Variants in ZZZ3 observed in about 807,000 individuals in gnomAD.
The protein encoded by ZZZ3 is ZZ-type zinc finger-containing protein 3.
In ZZZ3, 22 loss-of-function variants were observed where a neutral mutation model predicts 95.2. The ratio of observed to expected loss-of-function variants is 0.23; its 90% CI spans 0.17 to 0.33. ZZZ3 has a LOEUF of 0.33. Ranked by LOEUF, ZZZ3 falls within the 10% of genes least tolerant of loss-of-function variation. The pLI is 1.00. For synonymous variants in ZZZ3, 335 were observed against 358.9 expected, an observed-to-expected ratio of 0.93 and a Z score of 0.75; for missense variants, 885 against 1,066.5, an observed-to-expected ratio of 0.83 and a Z score of 2.37.
chr1:77,609,570 A>G (rs1252269946), intron 5 of ZZZ3, among the ~76,000 whole-genome samples: 1 of 152,166 alleles, frequency 6.6e-6, no homozygotes, highest in Non-Finnish European at 1.5e-5. Context: ...CATTTCATCC[A>G]ATGTCTGCAG....
At chr1:77,622,159 T>C (rs61777116) in intron 5 of ZZZ3, among the ~76,000 whole-genome samples, 4 of 141,316 alleles carry the variant, frequency 2.8e-5, no homozygotes, top group Non-Finnish European at 4.6e-5. Flanking sequence ...AAAAAAAAAT[T>C]AGCCAGGTGT....
intron 1 of ZZZ3, among the ~76,000 whole-genome samples, chr1:77,680,823 A>C (rs899911500): frequency 1.3e-5 from 2 of 152,218 alleles, no homozygotes; most frequent in Non-Finnish European, 2.9e-5. Context: ...TACATAACAC[A>C]CATTAAAGAT....
chr1:77,568,217 T>A, intron 13 of ZZZ3, 115 bp downstream of exon 13: 1 of 793,628 alleles, frequency 1.3e-6, no homozygotes. Flanking sequence ...AGGCAGAGGT[T>A]GCAGTAAGCT....
At chr1:77,569,078 T>G (rs1483190334) in intron 12 of ZZZ3, among the ~76,000 whole-genome samples, 2 of 152,268 alleles carry the variant, frequency 1.3e-5, no homozygotes, top group African/African-American at 2.4e-5. Flanking sequence ...GGCTTATACC[T>G]GTAATCCCAG....
intron 3 of ZZZ3, chr1:77,640,928 C>G (rs1427335994): frequency 6.6e-6 from 1 of 152,116 alleles, no homozygotes; most frequent in Non-Finnish European, 1.5e-5. Context: ...CCCAAACATG[C>G]CCTGGAAATG....
At chr1:77,591,646 T>G (rs1212072593) in intron 5 of ZZZ3, among the ~76,000 whole-genome samples, 1 of 152,200 alleles carries the variant, frequency 6.6e-6, no homozygotes, top group Non-Finnish European at 1.5e-5. Context: ...CCACTCACTT[T>G]CAATAAAACT....
chr1:77,583,688 A>G (rs535385592), intron 6 of ZZZ3, among the ~76,000 whole-genome samples: 3 of 152,212 alleles, frequency 2.0e-5, no homozygotes, highest in Non-Finnish European at 4.4e-5. Context: ...GGTAACTCAT[A>G]AAGATACTAA....
chr1:77,607,827 G>C (rs1665399410), intron 5 of ZZZ3, among the ~76,000 whole-genome samples: 4 of 151,744 alleles, frequency 2.6e-5, no homozygotes, highest in Admixed American at 2.6e-4. Flanking sequence ...GGCTGACGCA[G>C]GAGAATTGCT....
intron 1 of ZZZ3, among the ~76,000 whole-genome samples, chr1:77,650,718 A>G (rs278837): frequency 0.42 from 63,272 of 151,388 alleles, 15,434 homozygotes; most frequent in African/African-American, 0.67. Flanking sequence ...AAAAATAACA[A>G]TGAGCAGAAA....
At chr1:77,653,098 G>T (rs1005823938) in intron 1 of ZZZ3, among the ~76,000 whole-genome samples, 1 of 152,070 alleles carries the variant, frequency 6.6e-6, no homozygotes, top group Non-Finnish European at 1.5e-5. Flanking sequence ...GAGGCAAGAG[G>T]ACTGCTTGAG....
At position 77,562,861 on chromosome 1, in the gene ZZZ3, TAGTA is replaced by T. The variant is rs1490833152; in HGVS notation, c.*2775_*2778del. 2.6e-5 allele frequency: 4 copies of T among 152,510 alleles called. No homozygotes were observed. Among genetic ancestry groups the T allele is most frequent in the African/African-American group, 9.7e-5 (4 of 41,426 alleles). 9.4% of individuals were successfully genotyped at this position (152,510 alleles called of 1,614,324 possible). A position where few individuals can be genotyped will look rare whatever the true frequency, so the allele number is the denominator to read the frequency against. On this transcript the variant is annotated 3_prime_UTR_variant, in exon 15 of 15. Coordinates refer to ENST00000370801, the MANE Select transcript of ZZZ3 (RefSeq NM_015534.6). ...GGAAATTCCTGCTCAGGAAACAGGA[TAGTA>T]AGGCAGACGCTGACTCTGAAGTAAT...
At position 77,670,072 on chromosome 1, in the gene ZZZ3, ACCC is replaced by A. The variant is rs5775412; in HGVS notation, c.-403+12510_-403+12512del. On this transcript the variant is annotated intron_variant, in intron 1 of 14. Coordinates refer to ENST00000370801, the MANE Select transcript of ZZZ3 (RefSeq NM_015534.6). ...ACCTATTAATATAATAAATATTGTG[ACCC>A]CCCCCCCCCATATTACTCCCTTGAA... Among the ~76,000 whole-genome samples the A allele has an allele frequency of 9.0e-3, 1,027 of 113,908 alleles. 16 individuals are homozygous for A. Among genetic ancestry groups the A allele is most frequent in the African/African-American group, 0.029 (961 of 33,412 alleles). The allele number at this position is 113,908 out of a possible 152,430, so 74.7% of individuals were successfully genotyped here.
chr1:77,638,882 C>T (rs1285902136), intron 4 of ZZZ3, among the ~76,000 whole-genome samples: 1 of 152,126 alleles, frequency 6.6e-6, no homozygotes, highest in Non-Finnish European at 1.5e-5. Context: ...GTGCAATTAC[C>T]ACCATATCTA....
At chr1:77,582,662 A>G (rs1662637449) in intron 6 of ZZZ3, among the ~76,000 whole-genome samples, 1 of 116,270 alleles carries the variant, frequency 8.6e-6, no homozygotes, top group South Asian at 2.8e-4. Flanking sequence ...TTTCATGGTA[A>G]TTTTTTTCTT....
chr1:77,682,002 G>T (rs1672810420), intron 1 of ZZZ3, among the ~76,000 whole-genome samples: 1 of 151,788 alleles, frequency 6.6e-6, no homozygotes, highest in South Asian at 2.1e-4. Context: ...CAGTAACACA[G>T]TAGTAATTAA....
chr1:77,662,315 CT>C (rs1409203626), intron 1 of ZZZ3, among the ~76,000 whole-genome samples: 1 of 150,756 alleles, frequency 6.6e-6, no homozygotes, highest in Non-Finnish European at 1.5e-5. Context: ...CCCAGCCTGG[CT>C]TTTTTTTTGT....
chr1:77,565,500 G>A lies in ZZZ3; in HGVS notation c.*140C>T. Reference sequence around the variant, plus strand: ...GCCACAACGGTGCAGAGCTGTACTTGACGAGAACACTCAGGAAGCTCTCAT... The same window carrying A: ...GCCACAACGGTGCAGAGCTGTACTTAACGAGAACACTCAGGAAGCTCTCAT... On this transcript the variant is annotated 3_prime_UTR_variant, in exon 15 of 15. Transcript: ENST00000370801. The A allele has an allele frequency of 1.2e-6, 1 of 839,922 alleles. No homozygotes were observed. Among genetic ancestry groups the A allele is most frequent in the African/African-American group, 1.7e-5 (1 of 58,430 alleles). 52.0% of individuals were successfully genotyped at this position (839,922 alleles called of 1,614,324 possible). A position where few individuals can be genotyped will look rare whatever the true frequency, so the allele number is the denominator to read the frequency against.
intron 12 of ZZZ3, among the ~76,000 whole-genome samples, chr1:77,575,623 G>A (rs1374560002): frequency 6.6e-6 from 1 of 152,026 alleles, no homozygotes; most frequent in African/African-American, 2.4e-5. Context: ...TTGGGAGAGG[G>A]AAAAAAGGAA....
chr1:77,658,973 C>G (rs1670538642), intron 1 of ZZZ3, among the ~76,000 whole-genome samples: 1 of 152,102 alleles, frequency 6.6e-6, no homozygotes, highest in African/African-American at 2.4e-5. Context: ...AAATATACTT[C>G]TTTGGGAGGC....
Sources: gnomAD v4.1 joint callset for allele counts (sites outside exome capture counted in the v4.1 genomes callset) on GRCh38, gnomAD v4.1.1 for gene constraint, MANE v1.5 for transcripts, NCBI Gene and HGNC (gene_info 2026-07-23, HGNC 2026-07-21) for gene names.